PTPRJ: variants seen among roughly 807,000 people sequenced by gnomAD.
The protein encoded by PTPRJ is protein tyrosine phosphatase receptor type J.
PTPRJ carries 129 observed loss-of-function variants against 141.3 expected under a neutral mutation model. The ratio of observed to expected loss-of-function variants is 0.91; its 90% CI spans 0.79 to 1.06. The LOEUF (loss-of-function observed/expected upper bound fraction) is 1.06. PTPRJ is among the 50% of genes least tolerant of loss of function. PTPRJ has a pLI of 0.00. For synonymous variants in PTPRJ, 610 were observed against 640.5 expected (o/e 0.95, Z 0.72); for missense variants, 1,601 against 1,679.7 (o/e 0.95, Z 0.82).
chr11:48,035,644 A>G (rs770395728), intron 1 of PTPRJ, among the ~76,000 whole-genome samples: 4 of 134,084 alleles, frequency 3.0e-5, no homozygotes, highest in Non-Finnish European at 4.6e-5. Flanking sequence ...AAAATGTTCT[A>G]TGTAAATGAC....
intron 18 of PTPRJ, among the ~76,000 whole-genome samples, chr11:48,153,044 A>C (rs1857520699): frequency 1.3e-5 from 2 of 152,202 alleles, no homozygotes; most frequent in South Asian, 4.1e-4. Context: ...CTACCAAAAC[A>C]CCACGGGTTT....
intron 1 of PTPRJ, among the ~76,000 whole-genome samples, chr11:48,012,000 T>C (rs1854805940): frequency 6.6e-6 from 1 of 152,134 alleles, no homozygotes; most frequent in African/African-American, 2.4e-5. Context: ...GAGAGAGCAC[T>C]GAAGGAAGAT....
At position 48,112,918 on chromosome 11, in the gene PTPRJ, T is replaced by C. The variant is rs1186615539; in HGVS notation, c.287T>C (p.Leu96Ser). ...DGESSGANDSLRTPEQGSNGT... is the reference protein window; with the variant it reads ...DGESSGANDSSRTPEQGSNGT... ...GAAAGCTCTGGAGCCAACGATAGTTTAAGAACACCTGAACAAGGATCTAAT... is the reference window on the plus strand; with the variant it reads ...GAAAGCTCTGGAGCCAACGATAGTTCAAGAACACCTGAACAAGGATCTAAT... The change falls in exon 3 of 25, where the codon TTA becomes TCA. Residue 96 changes from leucine to serine, a missense_variant. Transcript: ENST00000418331. The C allele has an allele frequency of 6.2e-7, 1 of 1,614,208 alleles. No individual in the cohort carries two copies. Among genetic ancestry groups the C allele is most frequent in the African/African-American group, 1.3e-5 (1 of 75,052 alleles).
At chr11:47,995,288 A>T (rs769362816) in intron 1 of PTPRJ, among the ~76,000 whole-genome samples, 32 of 152,238 alleles carry the variant, frequency 2.1e-4, no homozygotes, top group African/African-American at 7.7e-4. Flanking sequence ...TGTACATATT[A>T]ACTCATTTAA....
intron 1 of PTPRJ, among the ~76,000 whole-genome samples, chr11:48,088,789 T>A (rs1855780981): frequency 6.6e-6 from 1 of 152,196 alleles, no homozygotes; most frequent in South Asian, 2.1e-4. Flanking sequence ...TGCACAAGGC[T>A]GTCTCCTTCT....
intron 1 of PTPRJ, among the ~76,000 whole-genome samples, chr11:48,108,231 T>G (rs2134321968): frequency 6.6e-6 from 1 of 152,248 alleles, no homozygotes; most frequent in South Asian, 2.1e-4. Flanking sequence ...AGGGTTGCAG[T>G]GAAGATGTAA....
rs1434643852 is a variant in PTPRJ at position 48,007,784 on chromosome 11, A to G, written c.96+26776A>G. On this transcript the variant is annotated intron_variant, in intron 1 of 24. Coordinates refer to ENST00000418331, the MANE Select transcript of PTPRJ (RefSeq NM_002843.4). The stretch of plus-strand genomic sequence containing the variant: ...GCTGTACTTGTGAGTTGACATCATG[A>G]TGTACAGTCACTGGTCACTTATAAA... 2.0e-5 allele frequency among the ~76,000 whole-genome samples: 3 copies of G among 152,346 alleles called. No homozygotes were observed. In the East Asian group the frequency reaches 5.8e-4, roughly 29 times the overall value.
chr11:48,145,558 G>GTTTTTTTTTTTTTTTTTTTTTTATTT, intron 14 of PTPRJ, among the ~76,000 whole-genome samples: 1 of 117,506 alleles, frequency 8.5e-6, no homozygotes, highest in Non-Finnish European at 1.7e-5. Flanking sequence ...TTTATTTTAT[G>GTTTTTTTTTTTTTTTTTTTTTTATTT]TTTTTTTTTT....
chr11:48,018,974 C>T (rs1172356611), intron 1 of PTPRJ, among the ~76,000 whole-genome samples: 1 of 152,090 alleles, frequency 6.6e-6, no homozygotes, highest in African/African-American at 2.4e-5. Flanking sequence ...TACCCTCTCT[C>T]CACGCTTTCT....
At chr11:48,017,366 C>T (rs1854978608) in intron 1 of PTPRJ, among the ~76,000 whole-genome samples, 1 of 152,126 alleles carries the variant, frequency 6.6e-6, no homozygotes, top group Non-Finnish European at 1.5e-5. Context: ...GCCTGGCACA[C>T]TGAGTTTGTC....
Position 48,136,297 on chromosome 11 carries a change from G to C in PTPRJ, c.1873+1G>C. ...CCCAACTCCACTGCACAGTACACAC[G>C]TAAGTCTCTTAGGATGCCCTTCTAA... On this transcript the variant is annotated splice_donor_variant, in intron 9 of 24. Transcript: ENST00000418331. LOFTEE classifies it high-confidence loss of function. The C allele has an allele frequency of 1.9e-6, 3 of 1,613,206 alleles. No individual in the cohort carries two copies. Among genetic ancestry groups the C allele is most frequent in the Non-Finnish European group, 2.5e-6 (3 of 1,179,410 alleles).
At chr11:48,015,373 C>T (rs1230321844) in intron 1 of PTPRJ, among the ~76,000 whole-genome samples, 1 of 151,880 alleles carries the variant, frequency 6.6e-6, no homozygotes, top group Admixed American at 6.6e-5. Context: ...CCCATCTTGA[C>T]ACTTCTGCAG....
At chr11:48,047,864 G>T (rs990948393) in intron 1 of PTPRJ, among the ~76,000 whole-genome samples, 1 of 152,138 alleles carries the variant, frequency 6.6e-6, no homozygotes, top group Non-Finnish European at 1.5e-5. Flanking sequence ...GGCAGATGCC[G>T]GGTGGTTCTG....
At position 48,168,388 on chromosome 11, in the gene PTPRJ, C is replaced by T. The variant is rs1048513383; in HGVS notation, c.*1026C>T. On this transcript the variant is annotated 3_prime_UTR_variant, in exon 25 of 25. Coordinates refer to ENST00000418331, the MANE Select transcript of PTPRJ (RefSeq NM_002843.4). ...TTACTCAGGTTGGCATTTTATGTGT[C>T]TGTGTCTGTATGTGTGTGTGTATGT... 1 of 151,116 alleles carries T rather than the reference C, an allele frequency of 6.6e-6. No individual in the cohort carries two copies. Among genetic ancestry groups the T allele is most frequent in the African/African-American group, 2.4e-5 (1 of 41,018 alleles). 9.4% of individuals were successfully genotyped at this position (151,116 alleles called of 1,614,324 possible).
Position 48,136,030 on chromosome 11 carries a change from TCTG to T in PTPRJ, c.1616-8_1616-6del. 6.2e-7 allele frequency: 1 copy of T among 1,611,300 alleles called. No homozygotes were observed. Among genetic ancestry groups the T allele is most frequent in the Non-Finnish European group, 8.5e-7 (1 of 1,177,906 alleles). ...CAGTTTTCCCTTCTCCTTCCTTTCT[TCTG>T]AGCAGTTCCCAGTGCAGTGTTTGAC... On this transcript the variant is annotated splice_polypyrimidine_tract_variant and splice_region_variant and intron_variant, in intron 8 of 24. Coordinates refer to ENST00000418331, the MANE Select transcript of PTPRJ (RefSeq NM_002843.4).
chr11:48,145,229 T>G (rs1476280658), intron 14 of PTPRJ, 105 bp downstream of exon 14: 21 of 1,488,348 alleles, frequency 1.4e-5, no homozygotes, highest in Non-Finnish European at 1.9e-5. Context: ...TCAGGAGGGT[T>G]GGTGTGCCCA....
Position 48,132,205 on chromosome 11 carries a change from T to TA in PTPRJ, c.1615+1490dup, listed in dbSNP as rs1217888740. 1.1e-5 allele frequency: 11 copies of TA among 985,308 alleles called. No individual in the cohort carries two copies. The East Asian group carries it at 1.2e-3, about 112-fold the overall frequency. The allele number at this position is 985,308 out of a possible 1,614,324, so 61.0% of individuals were successfully genotyped here. A position where few individuals can be genotyped will look rare whatever the true frequency, so the allele number is the denominator to read the frequency against. ...TTTCCTAAACAACACTGTGATGAGA[T>TA]ACTTTGTTAGTTCTAGAAGGCTAAT... On this transcript the variant is annotated intron_variant, in intron 8 of 24. Coordinates refer to ENST00000418331, the MANE Select transcript of PTPRJ (RefSeq NM_002843.4).
Position 48,137,212 on chromosome 11 carries a change from G to C in PTPRJ, c.2083G>C (p.Val695Leu), listed in dbSNP as rs926269638. ...TELIPGSSYT[V>L]EIFAQVGDGI... ...ATTAATACCTGGCTCATCATACACA[G>C]TGGAGATCTTTGCACAAGTAGGGGA... Residue 695 changes from valine to leucine, a missense_variant, in exon 10 of 25, where the codon GTG becomes CTG. Transcript: ENST00000418331. 1.9e-6 allele frequency: 3 copies of C among 1,613,998 alleles called. No homozygotes were observed. Among genetic ancestry groups the C allele is most frequent in the Non-Finnish European group, 2.5e-6 (3 of 1,179,948 alleles).
At chr11:48,092,881 G>T (rs947541068) in intron 1 of PTPRJ, among the ~76,000 whole-genome samples, 1 of 152,092 alleles carries the variant, frequency 6.6e-6, no homozygotes, top group Non-Finnish European at 1.5e-5. Flanking sequence ...GAATAGTGCC[G>T]CAATGAACAT....
Sources: gnomAD v4.1 joint callset for allele counts (sites outside exome capture counted in the v4.1 genomes callset) on GRCh38, gnomAD v4.1.1 for gene constraint, MANE v1.5 for transcripts, NCBI Gene and HGNC (gene_info 2026-07-23, HGNC 2026-07-21) for gene names.